Variants in CNTN5 observed in about 807,000 individuals in gnomAD.
CNTN5 encodes contactin 5.
Under a neutral mutation model 129.1 loss-of-function variants are expected in CNTN5, and 77 were observed. The ratio of observed to expected loss-of-function variants is 0.60; its 90% CI spans 0.50 to 0.72. The LOEUF (loss-of-function observed/expected upper bound fraction) is 0.72, where lower values mean the gene tolerates loss of function less well. CNTN5 is among the 30% of genes least tolerant of loss of function. CNTN5 has a pLI of 0.00. For missense variants in CNTN5, 1,478 were observed against 1,328.8 expected (o/e 1.11, Z -1.75); for synonymous variants, 509 against 465.6 (o/e 1.09, Z -1.20).
At chr11:100,289,317 T>C (rs756851746) in intron 18 of CNTN5, among the ~76,000 whole-genome samples, 67 of 152,088 alleles carry the variant, frequency 4.4e-4, no homozygotes, top group Non-Finnish European at 8.2e-4. Flanking sequence ...CAAAGAGAAT[T>C]TTAGACCAAT....
intron 3 of CNTN5, among the ~76,000 whole-genome samples, chr11:99,630,084 T>C (rs1005789240): frequency 5.9e-5 from 9 of 152,022 alleles, no homozygotes; most frequent in African/African-American, 1.9e-4. Context: ...AATCAAGTGA[T>C]TTAAATGCCT....
At chr11:99,977,688 A>C (rs1023405320) in intron 8 of CNTN5, among the ~76,000 whole-genome samples, 1 of 152,158 alleles carries the variant, frequency 6.6e-6, no homozygotes, top group Non-Finnish European at 1.5e-5. Context: ...GGATGGTGCT[A>C]AACCATGAGA....
At chr11:99,089,488 C>T (rs1199383171) in intron 1 of CNTN5, among the ~76,000 whole-genome samples, 1 of 152,096 alleles carries the variant, frequency 6.6e-6, no homozygotes, top group East Asian at 1.9e-4. Context: ...TCACGACTTG[C>T]CTAGTGTTTC....
rs190224282 is a variant in CNTN5, at chr11:99,959,795, G to A, written c.877+2786G>A. Among the ~76,000 whole-genome samples the A allele has an allele frequency of 8.4e-4, 128 of 152,202 alleles. No homozygotes were observed. The South Asian group carries it at 0.011, about 13-fold the overall frequency. On this transcript the variant is annotated intron_variant, in intron 8 of 24. Transcript: ENST00000524871. ...TTAACAAAAACAAAAAAACCAGGTAGGAAGCATCTGCTAAATTTCTGTTAC... is the reference window on the plus strand; with the variant it reads ...TTAACAAAAACAAAAAAACCAGGTAAGAAGCATCTGCTAAATTTCTGTTAC...
intron 13 of CNTN5, among the ~76,000 whole-genome samples, chr11:100,155,785 A>G (rs1314563200): frequency 6.6e-6 from 1 of 152,016 alleles, no homozygotes; most frequent in Admixed American, 6.6e-5. Context: ...GAAATTGTCA[A>G]TGGGACTTCA....
intron 1 of CNTN5, among the ~76,000 whole-genome samples, chr11:99,064,961 TAAA>T (rs1266716068): frequency 2.0e-4 from 30 of 152,102 alleles, no homozygotes; most frequent in Admixed American, 1.7e-3. Context: ...TCATATAAAA[TAAA>T]AAGTATTCTT....
chr11:99,165,219 A>T (rs1860815137), intron 1 of CNTN5, among the ~76,000 whole-genome samples: 1 of 152,184 alleles, frequency 6.6e-6, no homozygotes, highest in Non-Finnish European at 1.5e-5. Context: ...ATTAATAAGG[A>T]TTCATAAAAC....
intron 1 of CNTN5, among the ~76,000 whole-genome samples, chr11:99,311,751 G>T (rs902317492): frequency 6.6e-6 from 1 of 152,042 alleles, no homozygotes; most frequent in African/African-American, 2.4e-5. Flanking sequence ...TTTATTTTAT[G>T]CTAGTTTGTT....
intron 3 of CNTN5, among the ~76,000 whole-genome samples, chr11:99,781,044 T>C (rs1211928915): frequency 2.6e-5 from 4 of 152,122 alleles, no homozygotes; most frequent in African/African-American, 7.2e-5. Context: ...ATGTTGTCTT[T>C]GTATTTACTC....
At chr11:99,796,184 C>T (rs1945931748) in intron 3 of CNTN5, among the ~76,000 whole-genome samples, 1 of 152,088 alleles carries the variant, frequency 6.6e-6, no homozygotes, top group Admixed American at 6.5e-5. Context: ...TATTTGTGTG[C>T]ACGTTCACTT....
At chr11:100,140,455 G>A (rs963403468) in intron 13 of CNTN5, among the ~76,000 whole-genome samples, 1 of 152,218 alleles carries the variant, frequency 6.6e-6, no homozygotes, top group Non-Finnish European at 1.5e-5. Context: ...GCAAAGGACA[G>A]TGAGATTAAT....
intron 3 of CNTN5, among the ~76,000 whole-genome samples, chr11:99,628,095 C>T (rs753804790): frequency 6.6e-6 from 1 of 151,832 alleles, no homozygotes; most frequent in Non-Finnish European, 1.5e-5. Flanking sequence ...AGGTCTCTTG[C>T]AGCCTTAAAA....
intron 3 of CNTN5, among the ~76,000 whole-genome samples, chr11:99,652,947 G>GA (rs886803243): frequency 6.6e-6 from 1 of 151,922 alleles, no homozygotes; most frequent in African/African-American, 2.4e-5. Flanking sequence ...AGTTCATTGA[G>GA]AAAGGGTTTA....
chr11:99,772,295 T>C (rs1944973386), intron 3 of CNTN5, among the ~76,000 whole-genome samples: 3 of 152,062 alleles, frequency 2.0e-5, no homozygotes, highest in Admixed American at 6.6e-5. Context: ...GCTATTGCAA[T>C]GTAGTGTGAT....
At chr11:99,113,254 T>C (rs1414853199) in intron 1 of CNTN5, among the ~76,000 whole-genome samples, 1 of 152,018 alleles carries the variant, frequency 6.6e-6, no homozygotes, top group Non-Finnish European at 1.5e-5. Flanking sequence ...GGAGTTAACA[T>C]CTCCACGCAC....
intron 15 of CNTN5, among the ~76,000 whole-genome samples, chr11:100,193,923 C>T (rs867854654): frequency 1.4e-4 from 21 of 151,840 alleles, no homozygotes; most frequent in African/African-American, 4.6e-4. Context: ...AATATTTACA[C>T]AATACTTCTC....
intron 2 of CNTN5, among the ~76,000 whole-genome samples, chr11:99,533,567 G>T (rs1360970417): frequency 1.3e-5 from 2 of 152,216 alleles, no homozygotes; most frequent in Admixed American, 6.5e-5. Flanking sequence ...GCTTCAGTAG[G>T]GAGAAGGCTG....
At chr11:100,135,819 G>C (rs960213249) in intron 13 of CNTN5, among the ~76,000 whole-genome samples, 3 of 151,802 alleles carry the variant, frequency 2.0e-5, no homozygotes, top group African/African-American at 7.3e-5. Context: ...TCTTTCATTC[G>C]GGTTTATGAT....
At chr11:100,268,399 G>A (rs11223468) in intron 17 of CNTN5, among the ~76,000 whole-genome samples, 20,392 of 152,152 alleles carry the variant, frequency 0.13, 1,637 homozygotes, top group Non-Finnish European at 0.19. Context: ...ACAGTAAGAA[G>A]TTGTGGAGAA....
Sources: allele counts gnomAD v4.1 joint callset (sites outside exome capture counted in the v4.1 genomes callset), GRCh38; gene constraint gnomAD v4.1.1; transcripts MANE v1.5; gene names NCBI Gene and HGNC (gene_info 2026-07-23, HGNC 2026-07-21).